The following STIM1 variants were observed in gnomAD, a reference collection of about 807,000 sequenced individuals.
The protein encoded by STIM1 is stromal interaction molecule 1.
A neutral mutation model predicts 74.7 loss-of-function variants in STIM1; 25 were observed. The observed-to-expected ratio is 0.33, with a 90% confidence interval of 0.24 to 0.47. STIM1 has a LOEUF of 0.47. STIM1 is among the 20% of genes least tolerant of loss of function. The pLI is 1.00. For synonymous variants in STIM1, 328 were observed against 348.8 expected, an observed-to-expected ratio of 0.94 and a Z score of 0.66; for missense variants, 728 against 920.8, an observed-to-expected ratio of 0.79 and a Z score of 2.71.
chr11:3,903,018 T>A (rs2092388737), intron 1 of STIM1, among the ~76,000 whole-genome samples: 1 of 152,232 alleles, frequency 6.6e-6, no homozygotes, highest in African/African-American at 2.4e-5. Flanking sequence ...TCTTACCATG[T>A]GCCAGGTACT....
chr11:3,958,875 G>A (rs900688054), intron 1 of STIM1, among the ~76,000 whole-genome samples: 5 of 151,742 alleles, frequency 3.3e-5, no homozygotes, highest in Admixed American at 2.6e-4. Flanking sequence ...AACCTGGGAG[G>A]CAGAGGTTGC....
chr11:3,945,730 C>T (rs73427520), intron 1 of STIM1, among the ~76,000 whole-genome samples: 3,256 of 152,234 alleles, frequency 0.021, 116 homozygotes, highest in African/African-American at 0.075. Flanking sequence ...GGTGTATTAG[C>T]CATTCTTGCA....
At position 4,092,174 on chromosome 11, in the gene STIM1, C is replaced by T. The variant is rs958716564; in HGVS notation, c.*376C>T. The stretch of plus-strand genomic sequence containing the variant: ...TCTGTCTCTTGCTTTCGGGCTCCTC[C>T]CTCCCACCACTCCCCAACTTCCCCT... On this transcript the variant is annotated 3_prime_UTR_variant, in exon 13 of 13. Transcript: ENST00000526596. The T allele has an allele frequency of 3.0e-5, 10 of 335,232 alleles. No homozygotes were observed. The highest frequency in any genetic ancestry group is 2.1e-4 in the African/African-American group (10 of 47,258). 20.8% of individuals were successfully genotyped at this position (335,232 alleles called of 1,614,324 possible).
At chr11:3,995,638 T>C (rs111276980) in intron 2 of STIM1, among the ~76,000 whole-genome samples, 66 of 151,912 alleles carry the variant, frequency 4.3e-4, no homozygotes, top group African/African-American at 1.5e-3. Context: ...GTGTTTGAGA[T>C]TTGTTCTTTT....
At chr11:3,954,566 GA>G (rs532887020) in intron 1 of STIM1, among the ~76,000 whole-genome samples, 16 of 152,292 alleles carry the variant, frequency 1.1e-4, no homozygotes, top group African/African-American at 3.8e-4. Context: ...GTTGTTTTGA[GA>G]ATGTATAATG....
chr11:3,959,112 A>G (rs2093255618), intron 1 of STIM1, among the ~76,000 whole-genome samples: 1 of 152,106 alleles, frequency 6.6e-6, no homozygotes, highest in Non-Finnish European at 1.5e-5. Context: ...CTCAAGTCTT[A>G]GTCTTTTGAT....
chr11:4,083,752 T>C (rs2094477726), intron 10 of STIM1: 3 of 510,824 alleles, frequency 5.9e-6, no homozygotes, highest in Non-Finnish European at 1.1e-5. Flanking sequence ...TTCATTCTTT[T>C]TCACTTTATT....
chr11:4,069,149 C>T (rs988227200), intron 5 of STIM1, among the ~76,000 whole-genome samples: 4 of 152,194 alleles, frequency 2.6e-5, no homozygotes, highest in Non-Finnish European at 5.9e-5. Context: ...TGCTGTGGCA[C>T]AGAGCCCAGA....
Position 4,091,802 on chromosome 11 carries a change from G to T in STIM1, c.*4G>T. 6.2e-7 allele frequency: 1 copy of T among 1,601,852 alleles called. No homozygotes were observed. Among genetic ancestry groups the T allele is most frequent in the Admixed American group, 1.7e-5 (1 of 60,026 alleles). ...TAAGAAGCCTCTTAAGAAGTAGGCAGGATGGGGTGGCAGTAAAGGGACAGC... is the reference window on the plus strand; with the variant it reads ...TAAGAAGCCTCTTAAGAAGTAGGCATGATGGGGTGGCAGTAAAGGGACAGC... On this transcript the variant is annotated 3_prime_UTR_variant, in exon 13 of 13. Coordinates refer to ENST00000526596, the MANE Select transcript of STIM1 (RefSeq NM_001382567.1).
intron 2 of STIM1, chr11:3,973,202 G>A: frequency 4.5e-6 from 2 of 443,528 alleles, no homozygotes; most frequent in South Asian, 3.5e-5. Flanking sequence ...CCACCAGCAT[G>A]GCTGCTACCA....
chr11:3,888,984 C>T (rs1269813267), intron 1 of STIM1, among the ~76,000 whole-genome samples: 1 of 151,696 alleles, frequency 6.6e-6, no homozygotes, highest in African/African-American at 2.4e-5. Flanking sequence ...TGTCCAGAGA[C>T]TTGATCTCTT....
intron 2 of STIM1, among the ~76,000 whole-genome samples, chr11:3,969,415 G>A (rs937853233): frequency 2.0e-5 from 3 of 152,114 alleles, no homozygotes; most frequent in South Asian, 2.1e-4. Context: ...CTAGGAGGTC[G>A]AGGCTGTGGT....
rs1161764787 is a variant in STIM1, at chr11:4,092,232, C to T, written c.*434C>T. On this transcript the variant is annotated 3_prime_UTR_variant, in exon 13 of 13. Transcript: ENST00000526596. ...GCAGGGAAGATAGGACGAGTAGCTTCTGACATGTGTGCCTCAGATCTGTTC... is the reference window on the plus strand; with the variant it reads ...GCAGGGAAGATAGGACGAGTAGCTTTTGACATGTGTGCCTCAGATCTGTTC... 1 of 305,580 alleles carries T rather than the reference C, an allele frequency of 3.3e-6. No homozygotes were observed. The highest frequency in any genetic ancestry group is 6.4e-6 in the Non-Finnish European group (1 of 156,420). The allele number at this position is 305,580 out of a possible 1,614,324, so 18.9% of individuals were successfully genotyped here. A position where few individuals can be genotyped will look rare whatever the true frequency, so the allele number is the denominator to read the frequency against.
intron 2 of STIM1, among the ~76,000 whole-genome samples, chr11:3,969,311 C>A (rs1178755859): frequency 6.6e-6 from 1 of 151,860 alleles, no homozygotes; most frequent in East Asian, 1.9e-4. Flanking sequence ...ACAGCGAGAC[C>A]CTGTCTCTAC....
intron 1 of STIM1, among the ~76,000 whole-genome samples, chr11:3,950,403 A>G (rs2093132082): frequency 6.6e-6 from 1 of 152,154 alleles, no homozygotes; most frequent in African/African-American, 2.4e-5. Flanking sequence ...AAGTGCTGGG[A>G]TTATAGGCAT....
rs563773182 is a variant in STIM1, at chr11:4,005,084, C to G, written c.271-18789C>G. 3.3e-5 allele frequency among the ~76,000 whole-genome samples: 5 copies of G among 152,310 alleles called. No homozygotes were observed. The South Asian group carries it at 1.0e-3, about 32-fold the overall frequency. On this transcript the variant is annotated intron_variant, in intron 2 of 12. Coordinates refer to ENST00000526596, the MANE Select transcript of STIM1 (RefSeq NM_001382567.1). ...CAATCATTAAAAAGTCAGGAAACAACAGGTGCTGGAGAGGATGTGGAATAA... is the reference window on the plus strand; with the variant it reads ...CAATCATTAAAAAGTCAGGAAACAAGAGGTGCTGGAGAGGATGTGGAATAA...
intron 3 of STIM1, among the ~76,000 whole-genome samples, chr11:4,030,498 TGAGA>T (rs1394084427): frequency 2.0e-5 from 3 of 152,278 alleles, no homozygotes; most frequent in Admixed American, 2.0e-4. Flanking sequence ...ATAAACCTAA[TGAGA>T]GATATGTTTA....
rs973047265 is a variant in STIM1 at position 4,088,786 on chromosome 11, G to A, written c.1634+2243G>A. On this transcript the variant is annotated intron_variant, in intron 12 of 12. Coordinates refer to ENST00000526596, the MANE Select transcript of STIM1 (RefSeq NM_001382567.1). The stretch of plus-strand genomic sequence containing the variant: ...CCGAGGCAGCCCAGCCTTTGGGGAG[G>A]GACCTCTGGCCTGATTGTTCTCAGT... 34 of 1,523,242 alleles carry A rather than the reference G, an allele frequency of 2.2e-5. No homozygotes were observed. The African/African-American group carries it at 4.7e-4, about 21-fold the overall frequency. 94.4% of individuals were successfully genotyped at this position (1,523,242 alleles called of 1,614,324 possible). A position where few individuals can be genotyped will look rare whatever the true frequency, so the allele number is the denominator to read the frequency against.
chr11:3,966,994 A>G (rs2093346189), intron 1 of STIM1, among the ~76,000 whole-genome samples: 1 of 152,244 alleles, frequency 6.6e-6, no homozygotes, highest in East Asian at 1.9e-4. Flanking sequence ...TGTCTATGAG[A>G]AGGCATGAGA....
Sources: allele counts gnomAD v4.1 joint callset (sites outside exome capture counted in the v4.1 genomes callset), GRCh38; gene constraint gnomAD v4.1.1; transcripts MANE v1.5; gene names NCBI Gene and HGNC (gene_info 2026-07-23, HGNC 2026-07-21).